SULT1E1: variants seen among roughly 807,000 people sequenced by gnomAD.
SULT1E1 encodes sulfotransferase family 1E member 1, also known as sulfotransferase 1E1.
Under a neutral mutation model 33.6 loss-of-function variants are expected in SULT1E1, and 36 were observed. The ratio of observed to expected loss-of-function variants is 1.07; its 90% CI spans 0.82 to 1.41. The LOEUF is 1.41. Among genes scored for constraint, SULT1E1 ranks in the 40% most tolerant of loss-of-function variants. SULT1E1 has a pLI of 0.00. For synonymous variants in SULT1E1, 121 were observed against 111.7 expected (o/e 1.08, Z -0.53); for missense variants, 371 against 345.7 (o/e 1.07, Z -0.58).
intron 1 of SULT1E1, among the ~76,000 whole-genome samples, chr4:69,859,808 T>C (rs1010771467): frequency 6.6e-6 from 1 of 152,114 alleles, no homozygotes; most frequent in Non-Finnish European, 1.5e-5. Context: ...ATAGCAATGG[T>C]ACTGTAATTT....
At chr4:69,827,263 G>A in the SULT1E1 span, among the ~76,000 whole-genome samples, 5 of 152,150 alleles carry the variant, frequency 3.3e-5, no homozygotes, top group Non-Finnish European at 7.3e-5. Flanking sequence ...CAGCCCGAGA[G>A]TTTGGAGATA....
At chr4:69,838,959 A>C (rs987730081), downstream of SULT1E1, among the ~76,000 whole-genome samples, 1 of 152,182 alleles carries the variant, frequency 6.6e-6, no homozygotes, top group Non-Finnish European at 1.5e-5. Context: ...TACCACATTT[A>C]ATTATTTAAT....
chr4:69,857,574 A>C lies in SULT1E1; in HGVS notation c.71T>G (p.Val24Gly). Reference sequence around the variant, plus strand: ...CGCTTCCACATTATCCCAATATTTGACAAAATCTTTATACATTAGAATCCC... The same window carrying C: ...CGCTTCCACATTATCCCAATATTTGCCAAAATCTTTATACATTAGAATCCC... ...VHGILMYKDF[V>G]KYWDNVEAFQ... is the part of the protein sequence containing the mutation. The change falls in exon 2 of 8, where the codon GTC becomes GGC. Residue 24 changes from valine to glycine, a missense_variant. Val to Gly is a moderately radical substitution (Grantham distance 109, BLOSUM62 -3). Coordinates refer to ENST00000226444, the MANE Select transcript of SULT1E1 (RefSeq NM_005420.3). 6.2e-7 allele frequency: 1 copy of C among 1,613,460 alleles called. No individual in the cohort carries two copies.
At chr4:69,826,730 A>C in the SULT1E1 span, among the ~76,000 whole-genome samples, 2 of 152,176 alleles carry the variant, frequency 1.3e-5, no homozygotes, top group South Asian at 4.1e-4. Flanking sequence ...ACCTGAGGGA[A>C]GTATAAATTA....
At chr4:69,851,632 C>A (rs1721110533) in intron 4 of SULT1E1, among the ~76,000 whole-genome samples, 2 of 152,030 alleles carry the variant, frequency 1.3e-5, no homozygotes, top group African/African-American at 4.8e-5. Flanking sequence ...GGGTATATAC[C>A]CAAAGGATTA....
intron 4 of SULT1E1, among the ~76,000 whole-genome samples, chr4:69,850,161 A>G (rs1314439754): frequency 6.6e-6 from 1 of 152,114 alleles, no homozygotes; most frequent in Non-Finnish European, 1.5e-5. Flanking sequence ...ATTAGTTTTC[A>G]GAAAACTGTG....
chr4:69,858,173 A>G (rs988245764), intron 1 of SULT1E1, among the ~76,000 whole-genome samples: 5 of 152,144 alleles, frequency 3.3e-5, no homozygotes, highest in African/African-American at 1.2e-4. Flanking sequence ...TGGTGAATGT[A>G]TTTAAAAGAA....
At chr4:69,827,195 G>C in the SULT1E1 span, among the ~76,000 whole-genome samples, 3 of 152,182 alleles carry the variant, frequency 2.0e-5, no homozygotes, top group African/African-American at 7.2e-5. Flanking sequence ...TTGGAGAGAT[G>C]TCATGCTATT....
the SULT1E1 span, among the ~76,000 whole-genome samples, chr4:69,832,497 T>C: frequency 6.6e-6 from 1 of 152,202 alleles, no homozygotes; most frequent in Non-Finnish European, 1.5e-5. Context: ...AGACAAGGTC[T>C]TGCTCATATA....
At chr4:69,850,602 A>T (rs1057511635) in intron 4 of SULT1E1, among the ~76,000 whole-genome samples, 1 of 152,088 alleles carries the variant, frequency 6.6e-6, no homozygotes, top group Admixed American at 6.6e-5. Flanking sequence ...GAACTTTTCC[A>T]ATCTTACTTA....
downstream of SULT1E1, among the ~76,000 whole-genome samples, chr4:69,840,235 A>G (rs551480061): frequency 7.7e-4 from 117 of 152,292 alleles, no homozygotes; most frequent in Non-Finnish European, 1.5e-3. Context: ...ATTCTTAAAA[A>G]CTATAACTAT....
At chr4:69,836,964 T>A (rs1373148681), downstream of SULT1E1, among the ~76,000 whole-genome samples, 1 of 152,140 alleles carries the variant, frequency 6.6e-6, no homozygotes, top group African/African-American at 2.4e-5. Context: ...GTGCCTATAG[T>A]CTCAGCTACT....
At chr4:69,838,029 T>C (rs372206527), downstream of SULT1E1, among the ~76,000 whole-genome samples, 13 of 152,318 alleles carry the variant, frequency 8.5e-5, no homozygotes, top group African/African-American at 2.9e-4. Context: ...TTTGAGGAAA[T>C]GGCCATTCCT....
chr4:69,857,368 A>C, intron 2 of SULT1E1, 132 bp downstream of exon 2: 7 of 1,122,674 alleles, frequency 6.2e-6, no homozygotes, highest in Non-Finnish European at 8.6e-6. Context: ...TACCTTTTCT[A>C]TGTCCATATC....
downstream of SULT1E1, among the ~76,000 whole-genome samples, chr4:69,839,463 G>A (rs557922805): frequency 6.6e-6 from 1 of 152,286 alleles, no homozygotes; most frequent in South Asian, 2.1e-4. Flanking sequence ...TATGAGGGCA[G>A]ATTAATTGAG....
intron 4 of SULT1E1, among the ~76,000 whole-genome samples, chr4:69,853,910 T>G (rs1295982607): frequency 6.6e-6 from 1 of 152,162 alleles, no homozygotes; most frequent in African/African-American, 2.4e-5. Flanking sequence ...GTGAAGCACT[T>G]TATAAGCATT....
At chr4:69,856,159 C>T (rs1721230666) in intron 2 of SULT1E1, among the ~76,000 whole-genome samples, 1 of 152,080 alleles carries the variant, frequency 6.6e-6, no homozygotes, top group African/African-American at 2.4e-5. Context: ...AAAGTTGGTA[C>T]TTAAGAATGG....
chr4:69,832,858 G>C, the SULT1E1 span, among the ~76,000 whole-genome samples: 1 of 152,132 alleles, frequency 6.6e-6, no homozygotes, highest in African/African-American at 2.4e-5. Context: ...CAGACGGCAT[G>C]GGATTCGAGG....
the SULT1E1 span, among the ~76,000 whole-genome samples, chr4:69,827,951 G>C: frequency 1.3e-5 from 2 of 152,178 alleles, no homozygotes; most frequent in African/African-American, 4.8e-5. Flanking sequence ...CCTCATTCAT[G>C]TCTGCTATGC....
Sources: allele counts gnomAD v4.1 joint callset (sites outside exome capture counted in the v4.1 genomes callset), GRCh38; gene constraint gnomAD v4.1.1; transcripts MANE v1.5; gene names NCBI Gene and HGNC (gene_info 2026-07-23, HGNC 2026-07-21).